CNTN4: variants seen among roughly 807,000 people sequenced by gnomAD.
CNTN4 encodes the protein contactin 4, also known as contactin-4.
Under a neutral mutation model 122.5 loss-of-function variants are expected in CNTN4, and 77 were observed. That is an observed-to-expected ratio of 0.63 (90% CI 0.52 to 0.76). The LOEUF (loss-of-function observed/expected upper bound fraction) is 0.76. CNTN4 is among the 30% of genes least tolerant of loss of function. CNTN4 has a pLI of 0.00. For synonymous variants in CNTN4, 512 were observed against 447.0 expected (o/e 1.15, Z -1.83); for missense variants, 1,256 against 1,259.1 (o/e 1.00, Z 0.04).
intron 2 of CNTN4, among the ~76,000 whole-genome samples, chr3:2,177,580 T>C (rs1308081746): frequency 6.6e-6 from 1 of 152,062 alleles, no homozygotes; most frequent in Non-Finnish European, 1.5e-5. Flanking sequence ...TGTGTTTGGC[T>C]ACTTAGGTTT....
chr3:2,586,945 C>T (rs2080230386), intron 4 of CNTN4, among the ~76,000 whole-genome samples: 2 of 152,122 alleles, frequency 1.3e-5, no homozygotes, highest in Non-Finnish European at 2.9e-5. Context: ...TTCCTCCTTC[C>T]CTCCTTTGAT....
chr3:2,960,603 A>C (rs1009130727), intron 13 of CNTN4, among the ~76,000 whole-genome samples: 4 of 152,242 alleles, frequency 2.6e-5, no homozygotes, highest in Non-Finnish European at 5.9e-5. Context: ...ATTCTGAGCC[A>C]AAAGAGAAAT....
chr3:2,935,076 A>G (rs79360265), intron 13 of CNTN4, among the ~76,000 whole-genome samples: 1,589 of 152,318 alleles, frequency 0.01, 29 homozygotes, highest in African/African-American at 0.036. Flanking sequence ...CCACAGGCCC[A>G]GTCCTCTGGG....
rs572223730 is a variant in CNTN4 at position 2,927,182 on chromosome 3, A to G, written c.1358+1403A>G. 401 of 322,688 alleles carry G rather than the reference A, an allele frequency of 1.2e-3. 5 individuals carry two copies. The highest frequency in any genetic ancestry group is 0.01 in the South Asian group (367 of 36,264). The allele number at this position is 322,688 out of a possible 1,614,324, so 20.0% of individuals were successfully genotyped here. On this transcript the variant is annotated intron_variant, in intron 13 of 24. Transcript: ENST00000418658. The stretch of plus-strand genomic sequence containing the variant: ...TTAGACATGTCAAAAATCATGAATG[A>G]ATAAAGTTATAATAACACTGTAGGT...
intron 4 of CNTN4, among the ~76,000 whole-genome samples, chr3:2,574,328 G>C (rs1013225133): frequency 1.3e-5 from 2 of 152,092 alleles, no homozygotes; most frequent in African/African-American, 4.8e-5. Context: ...GTGAGTTTTT[G>C]GTAAGGGATA....
chr3:3,036,571 T>G (rs1699623872), intron 17 of CNTN4, among the ~76,000 whole-genome samples: 1 of 151,136 alleles, frequency 6.6e-6, no homozygotes, highest in Admixed American at 6.6e-5. Flanking sequence ...GAGAGCAGTC[T>G]GGGAAATGAG....
chr3:2,125,583 G>A (rs1278227771), intron 2 of CNTN4, among the ~76,000 whole-genome samples: 1 of 136,512 alleles, frequency 7.3e-6, no homozygotes, highest in Non-Finnish European at 1.5e-5. Flanking sequence ...TTTTTGAGAC[G>A]AGTCTCACAC....
At chr3:2,943,960 A>G (rs1051535290) in intron 13 of CNTN4, among the ~76,000 whole-genome samples, 3 of 152,242 alleles carry the variant, frequency 2.0e-5, no homozygotes, top group Non-Finnish European at 2.9e-5. Context: ...TACCCATATG[A>G]TGCACTTTGC....
At chr3:2,191,881 C>T (rs1436576089) in intron 2 of CNTN4, among the ~76,000 whole-genome samples, 2 of 151,848 alleles carry the variant, frequency 1.3e-5, no homozygotes, top group East Asian at 3.9e-4. Context: ...CCTCCCCCCT[C>T]CCCCCACTCC....
At chr3:2,338,508 G>T (rs1367575903) in intron 2 of CNTN4, among the ~76,000 whole-genome samples, 1 of 151,768 alleles carries the variant, frequency 6.6e-6, no homozygotes, top group Non-Finnish European at 1.5e-5. Context: ...ACAAAGAAGT[G>T]ATCTATAGCA....
chr3:2,488,711 A>G (rs1485020173), intron 3 of CNTN4, among the ~76,000 whole-genome samples: 2 of 152,212 alleles, frequency 1.3e-5, no homozygotes, highest in Admixed American at 6.5e-5. Flanking sequence ...GTCAGTTTCC[A>G]AGGACCTATC....
intron 13 of CNTN4, among the ~76,000 whole-genome samples, chr3:2,966,235 A>T (rs1332032465): frequency 1.3e-5 from 2 of 152,126 alleles, no homozygotes; most frequent in Non-Finnish European, 2.9e-5. Flanking sequence ...TTTTCAGTTA[A>T]CTTTATTTTT....
chr3:2,961,024 A>T (rs1425835879), intron 13 of CNTN4, among the ~76,000 whole-genome samples: 4 of 126,886 alleles, frequency 3.2e-5, no homozygotes, highest in Non-Finnish European at 7.0e-5. Context: ...AGGTCAGGAG[A>T]TCGAGACCAT....
At chr3:2,554,670 C>T (rs2078648990) in intron 3 of CNTN4, among the ~76,000 whole-genome samples, 1 of 152,112 alleles carries the variant, frequency 6.6e-6, no homozygotes, top group Non-Finnish European at 1.5e-5. Flanking sequence ...TATAGTATCA[C>T]AAAAGCAGTC....
chr3:2,895,758 G>A (rs1311303998), intron 10 of CNTN4, among the ~76,000 whole-genome samples: 2 of 152,242 alleles, frequency 1.3e-5, no homozygotes, highest in Non-Finnish European at 2.9e-5. Context: ...GGAGGGGCTG[G>A]GCGCAGTGGC....
intron 6 of CNTN4, among the ~76,000 whole-genome samples, chr3:2,808,560 C>A (rs762663028): frequency 6.6e-6 from 1 of 151,996 alleles, no homozygotes; most frequent in Non-Finnish European, 1.5e-5. Context: ...TATGATATAT[C>A]ACTGACTGGC....
In CNTN4 at chr3:2,335,228, T is replaced by G. The variant is rs549152094; in HGVS notation, c.-144-3950T>G. Among the ~76,000 whole-genome samples, 131 of 152,222 alleles carry G rather than the reference T, an allele frequency of 8.6e-4. 1 individual carries two copies. The highest frequency in any genetic ancestry group is 3.1e-3 in the African/African-American group (128 of 41,554). On this transcript the variant is annotated intron_variant, in intron 2 of 24. Transcript: ENST00000418658. ...ACATGTGATTTTATTTAGTTTATAA[T>G]AAAAACTTTAACTTAGGATAGCGGG...
At chr3:2,861,846 A>G (rs2150779590) in intron 7 of CNTN4, among the ~76,000 whole-genome samples, 1 of 152,356 alleles carries the variant, frequency 6.6e-6, no homozygotes, top group South Asian at 2.1e-4. Flanking sequence ...TGATCTACAT[A>G]TAGAATGTAC....
At position 2,302,369 on chromosome 3, in the gene CNTN4, A is replaced by C. The variant is rs567004175; in HGVS notation, c.-144-36809A>C. On this transcript the variant is annotated intron_variant, in intron 2 of 24. Transcript: ENST00000418658. ...CTTGAACCCAGGAGGTGGAGTTTACAGTGAGCTGAGATCGTGCCACTGCAC... is the reference window on the plus strand; with the variant it reads ...CTTGAACCCAGGAGGTGGAGTTTACCGTGAGCTGAGATCGTGCCACTGCAC... 1.8e-4 allele frequency among the ~76,000 whole-genome samples: 27 copies of C among 152,310 alleles called. No homozygotes were observed. In the South Asian group the frequency reaches 5.6e-3, roughly 32 times the overall value.
Sources: allele counts gnomAD v4.1 joint callset (sites outside exome capture counted in the v4.1 genomes callset), GRCh38; gene constraint gnomAD v4.1.1; transcripts MANE v1.5; gene names NCBI Gene and HGNC (gene_info 2026-07-23, HGNC 2026-07-21).